Variants in PDE1A observed in about 807,000 individuals in gnomAD.
The protein encoded by PDE1A is phosphodiesterase 1A.
Under a neutral mutation model 61.7 loss-of-function variants are expected in PDE1A, and 35 were observed. That is an observed-to-expected ratio of 0.57 (90% CI 0.43 to 0.75). PDE1A has a LOEUF of 0.75. Among genes scored for constraint, PDE1A ranks in the 30% least tolerant of loss-of-function variants. The pLI, the probability that PDE1A is intolerant of heterozygous loss-of-function variation, is 0.00. For missense variants in PDE1A, 597 were observed against 630.6 expected, an observed-to-expected ratio of 0.95 and a Z score of 0.57; for synonymous variants, 232 against 213.2, an observed-to-expected ratio of 1.09 and a Z score of -0.77.
At chr2:182,214,308 T>A (rs1687957735) in intron 7 of PDE1A, among the ~76,000 whole-genome samples, 1 of 151,272 alleles carries the variant, frequency 6.6e-6, no homozygotes, top group Non-Finnish European at 1.5e-5. Context: ...CACTGCAAAA[T>A]CATGCCAAAT....
chr2:182,246,401 C>CTT lies in PDE1A; in HGVS notation c.168-6111_168-6110dup, dbSNP rs761118177. On this transcript the variant is annotated intron_variant, in intron 2 of 13. Coordinates refer to ENST00000351439, the Ensembl canonical transcript of PDE1A. ...TCTACTATAGTCTTTTTTCTTTTTTCTTTCTTTTTTTTTTTTTTTTTTGAC... is the reference window on the plus strand; with the variant it reads ...TCTACTATAGTCTTTTTTCTTTTTTCTTTTTCTTTTTTTTTTTTTTTTTTGAC... Among the ~76,000 whole-genome samples, 46 of 61,506 alleles carry CTT rather than the reference C, an allele frequency of 7.5e-4. 3 individuals are homozygous for CTT. The highest frequency in any genetic ancestry group is 8.9e-4 in the African/African-American group (9 of 10,120). The allele number at this position is 61,506 out of a possible 152,430, so 40.4% of individuals were successfully genotyped here.
the PDE1A span, among the ~76,000 whole-genome samples, chr2:182,709,457 G>A: frequency 6.6e-6 from 1 of 152,080 alleles, no homozygotes; most frequent in African/African-American, 2.4e-5. Flanking sequence ...AGGCATTGAA[G>A]GAAAGATAAA....
intron 1 of PDE1A, among the ~76,000 whole-genome samples, chr2:182,343,417 A>C (rs1399996997): frequency 6.6e-6 from 1 of 152,208 alleles, no homozygotes; most frequent in African/African-American, 2.4e-5. Context: ...ATAATTCTGA[A>C]GGTTTTCAGA....
chr2:182,531,082 T>G, the PDE1A span, among the ~76,000 whole-genome samples: 2 of 151,696 alleles, frequency 1.3e-5, no homozygotes, highest in Non-Finnish European at 2.9e-5. Context: ...AAGCTATGCA[T>G]AGATAGTGAT....
chr2:182,258,107 G>T (rs1437586142), intron 2 of PDE1A, among the ~76,000 whole-genome samples: 4 of 151,850 alleles, frequency 2.6e-5, no homozygotes, highest in Non-Finnish European at 5.9e-5. Context: ...GGTGGAGCTT[G>T]CAGTGAGCCG....
chr2:182,221,807 C>T (rs572070651), intron 7 of PDE1A, among the ~76,000 whole-genome samples: 2 of 152,108 alleles, frequency 1.3e-5, no homozygotes, highest in Non-Finnish European at 2.9e-5. Context: ...TTTTCTCACT[C>T]CTCAATTCTG....
At chr2:182,474,262 C>T (rs970119450) in intron 2 of PDE1A, among the ~76,000 whole-genome samples, 1 of 151,856 alleles carries the variant, frequency 6.6e-6, no homozygotes, top group African/African-American at 2.4e-5. Flanking sequence ...TTCGCTTCAG[C>T]TAAGAAAGGC....
chr2:182,552,439 G>GTTTTT, the PDE1A span, among the ~76,000 whole-genome samples: 4 of 122,886 alleles, frequency 3.3e-5, no homozygotes, highest in African/African-American at 3.0e-5. Context: ...GCTACACAAA[G>GTTTTT]TTTTTTTTTT....
upstream of PDE1A, chr2:182,427,137 C>A: frequency 3.0e-6 from 1 of 329,288 alleles, no homozygotes; most frequent in Non-Finnish European, 4.3e-6. Context: ...CATGTGAGTA[C>A]CCTCTGAAAG....
At chr2:182,682,033 T>C in the PDE1A span, among the ~76,000 whole-genome samples, 1 of 152,246 alleles carries the variant, frequency 6.6e-6, no homozygotes, top group South Asian at 2.1e-4. Context: ...TTTCTTCTAT[T>C]TCTTGAGACC....
chr2:182,140,936 G>A (rs1690201856), exon 15 of PDE1A: 1 of 151,278 alleles, frequency 6.6e-6, no homozygotes, highest in Non-Finnish European at 1.5e-5. Flanking sequence ...TACTTCTGAA[G>A]GAGTAAAACT....
At chr2:182,636,057 G>A in the PDE1A span, among the ~76,000 whole-genome samples, 1 of 139,538 alleles carries the variant, frequency 7.2e-6, no homozygotes, top group African/African-American at 2.7e-5. Context: ...CCGGGTTCAC[G>A]CCATTCTCCT....
intron 1 of PDE1A, among the ~76,000 whole-genome samples, chr2:182,279,270 G>A (rs1355097813): frequency 6.6e-6 from 1 of 151,860 alleles, no homozygotes; most frequent in African/African-American, 2.4e-5. Context: ...TCTTAGACGA[G>A]CACAACCTAA....
the PDE1A span, among the ~76,000 whole-genome samples, chr2:182,592,119 G>T: frequency 6.6e-6 from 1 of 152,276 alleles, no homozygotes; most frequent in Non-Finnish European, 1.5e-5. Context: ...TTCGATGCCA[G>T]CTTGGTATTG....
At chr2:182,274,897 A>G (rs111508938) in intron 1 of PDE1A, among the ~76,000 whole-genome samples, 8 of 152,148 alleles carry the variant, frequency 5.3e-5, no homozygotes, top group Admixed American at 1.3e-4. Context: ...TGACATTGAC[A>G]GAAGTAGTTT....
chr2:182,558,822 T>C, the PDE1A span, among the ~76,000 whole-genome samples: 2 of 152,240 alleles, frequency 1.3e-5, no homozygotes, highest in Admixed American at 6.5e-5. Context: ...GAAAATGTAC[T>C]CTTCCTCCTA....
the PDE1A span, among the ~76,000 whole-genome samples, chr2:182,570,906 T>A: frequency 1.3e-5 from 2 of 152,178 alleles, no homozygotes; most frequent in Non-Finnish European, 2.9e-5. Context: ...TCATTTGACA[T>A]CTCTTTGCTT....
intron 1 of PDE1A, among the ~76,000 whole-genome samples, chr2:182,426,020 A>G (rs376756894): frequency 6.6e-6 from 1 of 152,192 alleles, no homozygotes; most frequent in Admixed American, 6.5e-5. Flanking sequence ...ATTATACTGT[A>G]TCTACATTTT....
At chr2:182,308,412 T>C (rs781217431) in intron 1 of PDE1A, among the ~76,000 whole-genome samples, 11 of 152,162 alleles carry the variant, frequency 7.2e-5, no homozygotes, top group Non-Finnish European at 1.6e-4. Flanking sequence ...AATACATTGC[T>C]GTAAATCTCT....
Sources: gnomAD v4.1 joint callset for allele counts (sites outside exome capture counted in the v4.1 genomes callset) on GRCh38, gnomAD v4.1.1 for gene constraint, MANE v1.5 for transcripts, NCBI Gene and HGNC (gene_info 2026-07-23, HGNC 2026-07-21) for gene names.